ASH1L: variants seen among roughly 807,000 people sequenced by gnomAD.
ASH1L encodes the protein ASH1 like histone lysine methyltransferase.
In ASH1L, 23 loss-of-function variants were observed where a neutral mutation model predicts 269.0. That is an observed-to-expected ratio of 0.09 (90% CI 0.06 to 0.12). ASH1L has a LOEUF of 0.12. ASH1L is among the 10% of genes least tolerant of loss of function. The pLI, the probability that ASH1L is intolerant of heterozygous loss-of-function variation, is 1.00. For synonymous variants in ASH1L, 1,187 were observed against 1,253.5 expected, an observed-to-expected ratio of 0.95 and a Z score of 1.12; for missense variants, 2,912 against 3,567.8, an observed-to-expected ratio of 0.82 and a Z score of 4.68.
intron 2 of ASH1L, among the ~76,000 whole-genome samples, chr1:155,504,348 A>G (rs1164477277): frequency 6.6e-6 from 1 of 152,098 alleles, no homozygotes; most frequent in Non-Finnish European, 1.5e-5. Context: ...TTCCCTTCCT[A>G]ATAGTGGCAA....
intron 1 of ASH1L, among the ~76,000 whole-genome samples, chr1:155,536,618 C>A (rs913777694): frequency 6.6e-6 from 1 of 152,106 alleles, no homozygotes; most frequent in African/African-American, 2.4e-5. Flanking sequence ...AATACTTCTA[C>A]ATAATGAGGG....
chr1:155,513,539 C>A (rs1296230217), intron 2 of ASH1L, among the ~76,000 whole-genome samples: 2 of 150,728 alleles, frequency 1.3e-5, no homozygotes, highest in African/African-American at 4.9e-5. Flanking sequence ...CCACTGCACT[C>A]CAGCCAGGGC....
chr1:155,389,729 A>G (rs984020915), intron 7 of ASH1L, among the ~76,000 whole-genome samples: 1 of 152,200 alleles, frequency 6.6e-6, no homozygotes, highest in Non-Finnish European at 1.5e-5. Flanking sequence ...TTTCTTTTCA[A>G]TAGATATGTT....
At chr1:155,495,566 C>T (rs1429302773) in intron 2 of ASH1L, among the ~76,000 whole-genome samples, 1 of 152,170 alleles carries the variant, frequency 6.6e-6, no homozygotes, top group Non-Finnish European at 1.5e-5. Context: ...GCTTGCAAGA[C>T]TGTACGACAC....
intron 4 of ASH1L, among the ~76,000 whole-genome samples, chr1:155,442,127 G>C (rs912548045): frequency 1.3e-5 from 2 of 152,064 alleles, no homozygotes; most frequent in African/African-American, 4.8e-5. Flanking sequence ...CAAAGGAAGG[G>C]AATCCTGAGA....
chr1:155,535,827 T>C (rs909535241), intron 1 of ASH1L, among the ~76,000 whole-genome samples: 1 of 152,002 alleles, frequency 6.6e-6, no homozygotes, highest in East Asian at 1.9e-4. Context: ...GGAAAAACAC[T>C]GTCTCTAATA....
chr1:155,534,649 C>T (rs1219060701), intron 1 of ASH1L, among the ~76,000 whole-genome samples: 1 of 151,826 alleles, frequency 6.6e-6, no homozygotes, highest in Admixed American at 6.6e-5. Flanking sequence ...GTAATAAGTA[C>T]ATTAAATTTT....
intron 4 of ASH1L, among the ~76,000 whole-genome samples, chr1:155,443,326 T>C (rs1662748103): frequency 6.6e-6 from 1 of 152,214 alleles, no homozygotes; most frequent in Non-Finnish European, 1.5e-5. Context: ...CACTTCATTT[T>C]TGAATTGTTC....
At chr1:155,533,077 C>T (rs370256699) in intron 1 of ASH1L, among the ~76,000 whole-genome samples, 1 of 150,614 alleles carries the variant, frequency 6.6e-6, no homozygotes, top group Non-Finnish European at 1.5e-5. Context: ...ATGTAAATAC[C>T]CCATCTATTT....
chr1:155,379,860 A>C (rs1656787248), intron 8 of ASH1L, among the ~76,000 whole-genome samples, 183 bp downstream of exon 8: 1 of 152,196 alleles, frequency 6.6e-6, no homozygotes, highest in African/African-American at 2.4e-5. Flanking sequence ...AGTAAGAGTA[A>C]AGGCAAATAG....
intron 5 of ASH1L, 145 bp downstream of exon 5, chr1:155,438,182 A>T: frequency 1.2e-6 from 1 of 850,098 alleles, no homozygotes; most frequent in Non-Finnish European, 1.7e-6. Context: ...TAAAAGCAAT[A>T]CATAAGAACA....
rs746319095 is a variant in ASH1L, at chr1:155,347,832, G to A, written c.7627C>T (p.His2543Tyr). 3.5e-5 allele frequency: 56 copies of A among 1,614,102 alleles called. No homozygotes were observed. Among genetic ancestry groups the A allele is most frequent in the Non-Finnish European group, 4.7e-5 (56 of 1,180,048 alleles). ...TCATCAATCTGGGCTGATGCCTCAT[G>A]CCGGGCATTGTAATAGGCCTTTCGT... ...RLRKAYYNARHEASAQIDEIV... is the reference protein window; with the variant it reads ...RLRKAYYNARYEASAQIDEIV... Residue 2543 changes from histidine (H) to tyrosine (Y), a missense_variant, in exon 20 of 28, where the codon CAT (histidine) becomes TAT (tyrosine). By Grantham distance (83) the His-to-Tyr change is moderately conservative. Transcript: ENST00000392403.
intron 1 of ASH1L, among the ~76,000 whole-genome samples, chr1:155,535,775 C>A (rs1054950364): frequency 9.2e-5 from 14 of 152,136 alleles, no homozygotes; most frequent in Non-Finnish European, 1.8e-4. Flanking sequence ...AGGCAGATCA[C>A]CCGAGGTTGG....
rs117183612 is a variant in ASH1L at position 155,440,961 on chromosome 1, C to T, written c.5087-1893G>A. 1.5e-4 allele frequency among the ~76,000 whole-genome samples: 23 copies of T among 152,240 alleles called. No homozygotes were observed. The East Asian group carries it at 4.4e-3, about 29-fold the overall frequency. On this transcript the variant is annotated intron_variant, in intron 4 of 27. Coordinates refer to ENST00000392403, the MANE Select transcript of ASH1L (RefSeq NM_018489.3). Reference sequence around the variant, plus strand: ...TGTGGCAGGACGTTGGTTATCTAAGCTCAGGCCACATCATTTATTCTGGCT... The same window carrying T: ...TGTGGCAGGACGTTGGTTATCTAAGTTCAGGCCACATCATTTATTCTGGCT...
At chr1:155,536,683 T>C (rs536781354) in intron 1 of ASH1L, among the ~76,000 whole-genome samples, 2 of 152,160 alleles carry the variant, frequency 1.3e-5, no homozygotes, top group East Asian at 3.9e-4. Context: ...CAGTGAGCTA[T>C]GATCATGCCA....
intron 10 of ASH1L, among the ~76,000 whole-genome samples, chr1:155,373,542 C>T (rs1463842994): frequency 6.6e-6 from 1 of 152,150 alleles, no homozygotes; most frequent in African/African-American, 2.4e-5. Context: ...GGGATCCTCC[C>T]TCATCGGCCT....
chr1:155,466,987 T>C (rs771875758), intron 3 of ASH1L, among the ~76,000 whole-genome samples: 3 of 152,228 alleles, frequency 2.0e-5, no homozygotes, highest in Non-Finnish European at 4.4e-5. Context: ...GCCTCACTTA[T>C]TCTTGGAGGA....
At chr1:155,379,434 T>C (rs568037387) in intron 8 of ASH1L, among the ~76,000 whole-genome samples, 6 of 152,318 alleles carry the variant, frequency 3.9e-5, no homozygotes, top group African/African-American at 1.2e-4. Flanking sequence ...ATTGCATGAC[T>C]ATTTCTATTT....
At chr1:155,376,029 G>A (rs1262123947) in intron 10 of ASH1L, among the ~76,000 whole-genome samples, 8 of 152,142 alleles carry the variant, frequency 5.3e-5, no homozygotes, top group Non-Finnish European at 5.9e-5. Context: ...GCTTGAGTCC[G>A]GAAGGTAGAA....
Sources: allele counts gnomAD v4.1 joint callset (sites outside exome capture counted in the v4.1 genomes callset), GRCh38; gene constraint gnomAD v4.1.1; transcripts MANE v1.5; gene names NCBI Gene and HGNC (gene_info 2026-07-23, HGNC 2026-07-21).